The following NR3C1 variants were observed in gnomAD, a reference collection of about 807,000 sequenced individuals.
NR3C1 encodes the protein nuclear receptor subfamily 3 group C member 1, also known as glucocorticoid receptor.
In NR3C1, 14 loss-of-function variants were observed where a neutral mutation model predicts 74.0. The ratio of observed to expected loss-of-function variants is 0.19; its 90% CI spans 0.12 to 0.30. NR3C1 has a LOEUF of 0.30. NR3C1 is among the 10% of genes least tolerant of loss of function. The pLI, the probability that NR3C1 is intolerant of heterozygous loss-of-function variation, is 1.00. For synonymous variants in NR3C1, 308 were observed against 332.5 expected (o/e 0.93, Z 0.80); for missense variants, 695 against 909.8 (o/e 0.76, Z 3.04).
intron 2 of NR3C1, among the ~76,000 whole-genome samples, chr5:143,321,399 G>A (rs1028056536): frequency 4.6e-5 from 7 of 152,088 alleles, no homozygotes; most frequent in Admixed American, 2.0e-4. Context: ...GTAACACTAT[G>A]TCAGGACCTA....
chr5:143,397,824 T>C (rs1389943173), intron 2 of NR3C1, among the ~76,000 whole-genome samples: 1 of 151,946 alleles, frequency 6.6e-6, no homozygotes. Context: ...AAAATCACCT[T>C]TAGTGATTTA....
At chr5:143,311,447 G>A (rs1050949637) in intron 3 of NR3C1, among the ~76,000 whole-genome samples, 3 of 152,186 alleles carry the variant, frequency 2.0e-5, no homozygotes, top group African/African-American at 7.2e-5. Flanking sequence ...CTAAGACTCT[G>A]AGCTATAGGA....
chr5:143,330,707 C>T (rs1825772526), intron 2 of NR3C1, among the ~76,000 whole-genome samples: 1 of 152,162 alleles, frequency 6.6e-6, no homozygotes, highest in African/African-American at 2.4e-5. Flanking sequence ...GAAGTGGAAT[C>T]TCTGAAAATA....
At chr5:143,342,231 C>T (rs1050170728) in intron 2 of NR3C1, among the ~76,000 whole-genome samples, 13 of 152,266 alleles carry the variant, frequency 8.5e-5, no homozygotes, top group South Asian at 2.1e-4. Context: ...ACTATAATGA[C>T]GGAGGCTAAC....
At chr5:143,402,941 T>A in intron 1 of NR3C1, 1 of 775,926 alleles carries the variant, frequency 1.3e-6, no homozygotes, top group Non-Finnish European at 1.6e-6. Flanking sequence ...CCCCCGGCAG[T>A]TCGACAGGGC....
intron 2 of NR3C1, among the ~76,000 whole-genome samples, chr5:143,340,745 T>G (rs1452140364): frequency 6.6e-6 from 1 of 152,246 alleles, no homozygotes; most frequent in African/African-American, 2.4e-5. Context: ...CCTCCCAAAG[T>G]GCTGGGGTTA....
chr5:143,389,947 G>A, intron 2 of NR3C1: 1 of 977,706 alleles, frequency 1.0e-6, no homozygotes, highest in Non-Finnish European at 1.2e-6. Context: ...CTTTTGGGGA[G>A]AAAGAACAAA....
intron 3 of NR3C1, among the ~76,000 whole-genome samples, chr5:143,312,722 C>T (rs559277004): frequency 5.9e-5 from 9 of 152,266 alleles, no homozygotes; most frequent in Admixed American, 1.3e-4. Context: ...GTTGAAAAAT[C>T]GTTAAGTCAG....
At chr5:143,317,371 A>C (rs893397132) in intron 2 of NR3C1, among the ~76,000 whole-genome samples, 1 of 152,192 alleles carries the variant, frequency 6.6e-6, no homozygotes, top group African/African-American at 2.4e-5. Context: ...TCCTGGTCTT[A>C]AGGGCATCAT....
intron 7 of NR3C1, among the ~76,000 whole-genome samples, chr5:143,285,351 GA>G (rs1259166199): frequency 6.6e-6 from 1 of 152,094 alleles, no homozygotes; most frequent in East Asian, 1.9e-4. Flanking sequence ...CCTCCAAGGG[GA>G]TATTTGGCAA....
chr5:143,403,651 G>GCGAGCGGGAC lies in NR3C1; in HGVS notation c.-464_-455dup, dbSNP rs1194045266. On this transcript the variant is annotated 5_prime_UTR_variant, in exon 1 of 9. Transcript: ENST00000394464. ...CGAAAGGGCAGCCCGGCCTGGGCGA[G>GCGAGCGGGAC]CGAGCGGGACCGAGCGGGGAGCGGG... 2 of 985,346 alleles carry GCGAGCGGGAC rather than the reference G, an allele frequency of 2.0e-6. No homozygotes were observed. Among genetic ancestry groups the GCGAGCGGGAC allele is most frequent in the African/African-American group, 1.7e-5 (1 of 57,248 alleles). 61.0% of individuals were successfully genotyped at this position (985,346 alleles called of 1,614,324 possible).
chr5:143,333,797 C>A (rs12187664), intron 2 of NR3C1, among the ~76,000 whole-genome samples: 53 of 151,734 alleles, frequency 3.5e-4, no homozygotes, highest in Non-Finnish European at 6.9e-4. Flanking sequence ...AACAAACAAA[C>A]AAAAAACTAT....
At chr5:143,411,840 A>G (rs1600666439) in intron 1 of NR3C1, among the ~76,000 whole-genome samples, 1 of 152,178 alleles carries the variant, frequency 6.6e-6, no homozygotes, top group East Asian at 1.9e-4. Context: ...TGCGATGTGG[A>G]GTATGAGTTG....
At chr5:143,343,330 A>G in intron 2 of NR3C1, among the ~76,000 whole-genome samples, 1 of 152,200 alleles carries the variant, frequency 6.6e-6, no homozygotes, top group Admixed American at 6.5e-5. Context: ...GGATAAAGCT[A>G]ATTGTCTAGC....
Position 143,281,789 on chromosome 5 carries a change from A to AAAAAT in NR3C1, c.*95_*99dup. The AAAAAT allele has an allele frequency of 7.6e-7, 1 of 1,315,850 alleles. No individual in the cohort carries two copies. The highest frequency in any genetic ancestry group is 1.5e-5 in the African/African-American group (1 of 67,998). 81.5% of individuals were successfully genotyped at this position (1,315,850 alleles called of 1,614,324 possible). ...AACAAAACAACAGATGAAAACAATA[A>AAAAAT]AAAATAAAACAACAAAACCTCTACA... On this transcript the variant is annotated 3_prime_UTR_variant, in exon 9 of 9. Transcript: ENST00000394464.
intron 2 of NR3C1, among the ~76,000 whole-genome samples, chr5:143,325,363 A>C (rs1311503350): frequency 7.9e-5 from 12 of 152,202 alleles, no homozygotes; most frequent in Admixed American, 7.9e-4. Context: ...CTATCACGAG[A>C]ATAGCAAGGG....
chr5:143,313,281 T>C (rs1372591845), intron 3 of NR3C1, among the ~76,000 whole-genome samples: 2 of 152,230 alleles, frequency 1.3e-5, no homozygotes, highest in Non-Finnish European at 2.9e-5. Flanking sequence ...TTTAGGGAGA[T>C]AATGCTGTTG....
intron 7 of NR3C1, among the ~76,000 whole-genome samples, chr5:143,285,406 G>GTCTCAGAATCAATA (rs940742041): frequency 5.3e-5 from 8 of 152,132 alleles, no homozygotes; most frequent in Non-Finnish European, 8.8e-5. Flanking sequence ...AAACACCTTT[G>GTCTCAGAATCAATA]TCTCAGAATC....
chr5:143,338,431 A>T (rs1026497613), intron 2 of NR3C1, among the ~76,000 whole-genome samples: 5 of 152,042 alleles, frequency 3.3e-5, no homozygotes, highest in Non-Finnish European at 7.4e-5. Flanking sequence ...ACAGAAAACG[A>T]CAGCTCTGTG....
Sources: allele counts gnomAD v4.1 joint callset (sites outside exome capture counted in the v4.1 genomes callset), GRCh38; gene constraint gnomAD v4.1.1; transcripts MANE v1.5; gene names NCBI Gene and HGNC (gene_info 2026-07-23, HGNC 2026-07-21).